Variants in EIF3E observed in about 807,000 individuals in gnomAD.
EIF3E encodes the protein eIF-3 p48.
A neutral mutation model predicts 59.3 loss-of-function variants in EIF3E; 25 were observed. The observed-to-expected ratio is 0.42, with a 90% CI of 0.31 to 0.59. The LOEUF is 0.59. EIF3E is among the 20% of genes least tolerant of loss of function. The pLI is 0.15. For missense variants in EIF3E, 317 were observed against 534.3 expected (o/e 0.59, Z 4.01); for synonymous variants, 176 against 170.2 (o/e 1.03, Z -0.26).
At chr8:108,206,514 T>C (rs1007624596) in intron 10 of EIF3E, among the ~76,000 whole-genome samples, 1 of 152,080 alleles carries the variant, frequency 6.6e-6, no homozygotes, top group African/African-American at 2.4e-5. Context: ...CTCATACCTA[T>C]AATTCCAACA....
At chr8:108,231,019 G>C (rs1347803583) in intron 5 of EIF3E, among the ~76,000 whole-genome samples, 1 of 152,126 alleles carries the variant, frequency 6.6e-6, no homozygotes, top group Non-Finnish European at 1.5e-5. Flanking sequence ...ACCATGGGTG[G>C]AGTATGGCCA....
At chr8:108,221,875 T>C (rs937842871) in intron 7 of EIF3E, among the ~76,000 whole-genome samples, 1 of 152,126 alleles carries the variant, frequency 6.6e-6, no homozygotes, top group African/African-American at 2.4e-5. Context: ...TGAAATTTCA[T>C]GTCATTTTCA....
intron 1 of EIF3E, among the ~76,000 whole-genome samples, chr8:108,244,588 T>G (rs1382353662): frequency 2.6e-5 from 4 of 152,082 alleles, no homozygotes; most frequent in Admixed American, 2.6e-4. Flanking sequence ...AATTCCAACT[T>G]AAAACTGATA....
At chr8:108,204,742 TATATAGAGAGAGAGAG>T (rs1815061479) in intron 10 of EIF3E, among the ~76,000 whole-genome samples, 1 of 103,814 alleles carries the variant, frequency 9.6e-6, no homozygotes, top group African/African-American at 4.2e-5. Context: ...TATATATATA[TATATAGAGAGAGAGAG>T]AGAGAGAGAG....
In EIF3E at chr8:108,217,439, T is replaced by C. The variant is rs1225545422; in HGVS notation, c.744A>G (p.Thr248=). The change falls in exon 8 of 13, where the codon ACA becomes ACG. Residue 248 remains threonine, a synonymous_variant. Transcript: ENST00000220849. ...YQPQYLNAIQ[T]MCPHILRYLT... ...AATAGCGAAGAATGTGTGGACACAT[T>C]GTCTGAATTGCATTAAGATATCTAA... 2 of 1,601,204 alleles carry C rather than the reference T, an allele frequency of 1.2e-6. No individual in the cohort carries two copies. The highest frequency in any genetic ancestry group is 2.7e-5 in the African/African-American group (2 of 74,516).
chr8:108,223,341 T>C (rs564608400), intron 7 of EIF3E, among the ~76,000 whole-genome samples: 45 of 152,272 alleles, frequency 3.0e-4, no homozygotes, highest in Admixed American at 9.8e-4. Context: ...GGACACTAAG[T>C]AGACCTCCAG....
chr8:108,239,556 G>C (rs1359072388), intron 3 of EIF3E, among the ~76,000 whole-genome samples: 1 of 99,490 alleles, frequency 1.0e-5, no homozygotes, highest in African/African-American at 3.9e-5. Flanking sequence ...GGGGAGTAGC[G>C]GCAGCAGTGC....
In EIF3E at chr8:108,214,706, T is replaced by C; in HGVS notation, c.962A>G (p.Asn321Ser). ...KLRECESVLV[N>S]DFFLVACLED... is the part of the protein sequence containing the mutation. ...AAGACAAGCCACCAAGAAGAAGTCA[T>C]TCACAAGCACCTATATGTACAAATA... The change falls in exon 10 of 13, where the codon AAT becomes AGT. Residue 321 changes from asparagine (N) to serine (S), a missense_variant. Around this residue, in one of 4 missense-constraint regions of EIF3E, gnomAD observed 242 missense variants for 398.0 expected, o/e 0.61. Coordinates refer to ENST00000220849, the MANE Select transcript of EIF3E (RefSeq NM_001568.3). 1 of 1,608,098 alleles carries C rather than the reference T, an allele frequency of 6.2e-7. No homozygotes were observed. The highest frequency in any genetic ancestry group is 8.5e-7 in the Non-Finnish European group (1 of 1,178,828).
intron 4 of EIF3E, 39 bp from the exon 5 acceptor site, chr8:108,235,141 A>T (rs762091152): frequency 2.3e-6 from 3 of 1,321,852 alleles, no homozygotes; most frequent in Non-Finnish European, 2.0e-6. Context: ...TCTTTAATTT[A>T]GAGTTTTAAA....
At chr8:108,203,139 T>C (rs630492) in intron 11 of EIF3E, 22 bp from the exon 12 acceptor site, 748,730 of 1,603,684 alleles carry the variant, frequency 0.47, 175,889 homozygotes, top group South Asian at 0.54. Flanking sequence ...CACAGGGAAA[T>C]TGATCCTATA....
At chr8:108,220,719 T>G (rs1815395510) in intron 7 of EIF3E, among the ~76,000 whole-genome samples, 3 of 152,338 alleles carry the variant, frequency 2.0e-5, no homozygotes, top group Admixed American at 6.5e-5. Context: ...GTCAATATCC[T>G]CAACTCAGAG....
chr8:108,226,929 T>A (rs1815526994), intron 7 of EIF3E, among the ~76,000 whole-genome samples: 1 of 152,238 alleles, frequency 6.6e-6, no homozygotes. Context: ...TTCTTATTAT[T>A]TCATTTGTCA....
intron 7 of EIF3E, among the ~76,000 whole-genome samples, chr8:108,223,467 G>A (rs113274776): frequency 6.7e-4 from 102 of 152,252 alleles, no homozygotes; most frequent in African/African-American, 2.4e-3. Context: ...CAGCAGGAAA[G>A]GTCTGTCTGT....
At chr8:108,210,886 G>A (rs996288228) in intron 10 of EIF3E, among the ~76,000 whole-genome samples, 2 of 151,988 alleles carry the variant, frequency 1.3e-5, no homozygotes, top group Non-Finnish European at 2.9e-5. Context: ...TCAGAATGAT[G>A]GTTTCTAGCT....
At chr8:108,212,678 T>C (rs1049468897) in intron 10 of EIF3E, among the ~76,000 whole-genome samples, 1 of 152,168 alleles carries the variant, frequency 6.6e-6, no homozygotes, top group Admixed American at 6.5e-5. Context: ...GGCACATGCC[T>C]GTAATCTCAG....
At chr8:108,236,788 G>T (rs961308426) in intron 3 of EIF3E, among the ~76,000 whole-genome samples, 1 of 152,102 alleles carries the variant, frequency 6.6e-6, no homozygotes, top group African/African-American at 2.4e-5. Flanking sequence ...TTGGGAGGCC[G>T]AGGCAGGTGG....
chr8:108,248,554 G>T, intron 1 of EIF3E, 59 bp downstream of exon 1: 1 of 1,568,246 alleles, frequency 6.4e-7, no homozygotes, highest in South Asian at 1.1e-5. Flanking sequence ...ACCACCTTTC[G>T]GCCTTGCTCA....
At chr8:108,228,856 G>A (rs605269) in intron 6 of EIF3E, among the ~76,000 whole-genome samples, 31,863 of 151,926 alleles carry the variant, frequency 0.21, 4,164 homozygotes, top group East Asian at 0.49. Flanking sequence ...TGAAGGCTAC[G>A]TTTTTTCTCT....
chr8:108,217,855 T>G (rs1041585988), intron 7 of EIF3E, among the ~76,000 whole-genome samples: 3 of 152,056 alleles, frequency 2.0e-5, no homozygotes, highest in Admixed American at 6.5e-5. Context: ...CTCATACTAA[T>G]GAGAAAATCA....
Sources: allele counts gnomAD v4.1 joint callset (sites outside exome capture counted in the v4.1 genomes callset), GRCh38; gene constraint gnomAD v4.1.1; regional missense constraint gnomAD v4.1.1; transcripts MANE v1.5; gene names NCBI Gene and HGNC (gene_info 2026-07-23, HGNC 2026-07-21).